Variants in APBB1IP observed in about 807,000 individuals in gnomAD.
APBB1IP encodes amyloid beta precursor protein binding family B member 1 interacting protein.
A neutral mutation model predicts 64.9 loss-of-function variants in APBB1IP; 27 were observed. That is an observed-to-expected ratio of 0.42 (90% CI 0.31 to 0.57). The LOEUF is 0.57. Among genes scored for constraint, APBB1IP ranks in the 20% least tolerant of loss-of-function variants. The pLI, the probability that APBB1IP is intolerant of heterozygous loss-of-function variation, is 0.20. For missense variants in APBB1IP, 812 were observed against 845.5 expected, an observed-to-expected ratio of 0.96 and a Z score of 0.49; for synonymous variants, 392 against 331.0, an observed-to-expected ratio of 1.18 and a Z score of -2.00.
chr10:26,532,178 T>C (rs537215004), intron 8 of APBB1IP, among the ~76,000 whole-genome samples: 189 of 152,300 alleles, frequency 1.2e-3, no homozygotes, highest in Non-Finnish European at 1.9e-3. Flanking sequence ...TCACAGTGCT[T>C]CTGAGATACA....
rs2132489233 is a variant in APBB1IP, at chr10:26,567,114, G to A, written c.1627G>A (p.Gly543Ser). The A allele has an allele frequency of 7.0e-7, 1 of 1,430,456 alleles. No individual in the cohort carries two copies. The highest frequency in any genetic ancestry group is 9.0e-7 in the Non-Finnish European group (1 of 1,105,078). 88.6% of individuals were successfully genotyped at this position (1,430,456 alleles called of 1,614,324 possible). ...GCCCCTCAAGGCCAAGGGCACAGGC[G>A]GCGGGGGCTTGCCCGCCCCACCCGA... ...ATPLKAKGTG[G>S]GGLPAPPDDF... Residue 543 changes from glycine to serine, a missense_variant, in exon 15 of 15, where the codon GGC becomes AGC. Coordinates refer to ENST00000376236, the MANE Select transcript of APBB1IP (RefSeq NM_019043.4).
chr10:26,480,341 G>C (rs1007994418), intron 2 of APBB1IP, among the ~76,000 whole-genome samples: 2 of 152,170 alleles, frequency 1.3e-5, no homozygotes, highest in Admixed American at 1.3e-4. Context: ...GGTGCCAGAG[G>C]AGACATGTGG....
At chr10:26,531,333 C>T (rs909891981) in intron 8 of APBB1IP, among the ~76,000 whole-genome samples, 1 of 150,572 alleles carries the variant, frequency 6.6e-6, no homozygotes, top group Non-Finnish European at 1.5e-5. Flanking sequence ...AAGACGCTGT[C>T]TCAAAAAAAC....
intron 2 of APBB1IP, among the ~76,000 whole-genome samples, chr10:26,480,228 G>A (rs1371391892): frequency 1.3e-5 from 2 of 152,244 alleles, no homozygotes; most frequent in South Asian, 2.1e-4. Flanking sequence ...AAGTAAAGTG[G>A]AGATAGTGCT....
At chr10:26,479,444 A>G (rs940191185) in intron 2 of APBB1IP, among the ~76,000 whole-genome samples, 5 of 152,202 alleles carry the variant, frequency 3.3e-5, no homozygotes, top group African/African-American at 1.2e-4. Flanking sequence ...TATAAAGTGT[A>G]TAATTTATAA....
chr10:26,464,640 C>T (rs746966252), intron 2 of APBB1IP, among the ~76,000 whole-genome samples: 3 of 152,178 alleles, frequency 2.0e-5, no homozygotes, highest in Non-Finnish European at 4.4e-5. Context: ...AACTCCTGGC[C>T]TCAAGAGATC....
At chr10:26,530,460 G>A (rs1470067378) in intron 8 of APBB1IP, among the ~76,000 whole-genome samples, 1 of 152,032 alleles carries the variant, frequency 6.6e-6, no homozygotes, top group Non-Finnish European at 1.5e-5. Context: ...GGGAGGCCGA[G>A]GCGGGCAGAT....
At chr10:26,545,532 G>A (rs1836749646) in intron 11 of APBB1IP, among the ~76,000 whole-genome samples, 1 of 151,980 alleles carries the variant, frequency 6.6e-6, no homozygotes, top group African/African-American at 2.4e-5. Context: ...AGGCCGAGGC[G>A]GGCGGATCAC....
Position 26,492,390 on chromosome 10 carries a change from C to A in APBB1IP, c.64C>A (p.Leu22Met). 6.2e-7 allele frequency: 1 copy of A among 1,613,930 alleles called. No individual in the cohort carries two copies. The highest frequency in any genetic ancestry group is 8.5e-7 in the Non-Finnish European group (1 of 1,179,922). Residue 22 changes from leucine to methionine, a missense_variant, in exon 3 of 15, where the codon CTG becomes ATG. By Grantham distance (15) the Leu-to-Met change is conservative. Transcript: ENST00000376236. ...FSTLLGEMDL[L>M]TQSLGVDTLP... is the part of the protein sequence containing the mutation. ...CACTTTGCTGGGAGAGATGGATCTT[C>A]TGACTCAGGTAAACTTCCCTTTTTA...
intron 6 of APBB1IP, among the ~76,000 whole-genome samples, chr10:26,506,041 C>A (rs372841917): frequency 6.6e-6 from 1 of 152,142 alleles, no homozygotes; most frequent in Admixed American, 6.5e-5. Flanking sequence ...GCACTCTAGG[C>A]CTGCCCTTGC....
Position 26,567,161 on chromosome 10 carries a change from A to ACCG in APBB1IP, c.1683_1685dup (p.Pro562dup). The ACCG allele has an allele frequency of 7.1e-7, 1 of 1,402,194 alleles. No homozygotes were observed. The highest frequency in any genetic ancestry group is 9.2e-7 in the Non-Finnish European group (1 of 1,087,508). 86.9% of individuals were successfully genotyped at this position (1,402,194 alleles called of 1,614,324 possible). Reference sequence around the variant, plus strand: ...CCGACGACTTCCTGCCGCCGCCGCCACCGCCGCCGCCCCTCGATGACCCTG... The same window carrying ACCG: ...CCGACGACTTCCTGCCGCCGCCGCCACCGCCGCCGCCGCCCCTCGATGACCCTG... On this transcript the variant is annotated inframe_insertion, in exon 15 of 15. Coordinates refer to ENST00000376236, the MANE Select transcript of APBB1IP (RefSeq NM_019043.4).
chr10:26,450,388 G>C (rs10764622), intron 2 of APBB1IP, among the ~76,000 whole-genome samples: 60,385 of 151,660 alleles, frequency 0.4, 12,099 homozygotes, highest in South Asian at 0.5. Context: ...ATTTTGAAAA[G>C]AACTCAAGTA....
intron 11 of APBB1IP, among the ~76,000 whole-genome samples, chr10:26,542,139 G>A (rs1588612524): frequency 6.6e-6 from 1 of 152,130 alleles, no homozygotes; most frequent in Admixed American, 6.5e-5. Flanking sequence ...AAGGCAATAG[G>A]TATTATCAAA....
intron 10 of APBB1IP, among the ~76,000 whole-genome samples, chr10:26,537,287 A>G (rs1466646566): frequency 6.6e-6 from 1 of 152,066 alleles, no homozygotes; most frequent in East Asian, 1.9e-4. Flanking sequence ...GCATGAATTT[A>G]CCTCTGATAA....
At chr10:26,445,488 T>TG (rs71281575) in intron 2 of APBB1IP, among the ~76,000 whole-genome samples, 58,926 of 151,964 alleles carry the variant, frequency 0.39, 11,608 homozygotes, top group South Asian at 0.49. Context: ...TGGGCTCAAG[T>TG]ATCCTCCCGC....
chr10:26,482,982 T>C (rs1045771200), intron 2 of APBB1IP, among the ~76,000 whole-genome samples: 19 of 149,550 alleles, frequency 1.3e-4, no homozygotes, highest in Non-Finnish European at 2.7e-4. Flanking sequence ...TCCCAGCTAC[T>C]TGGGAGGCTG....
intron 9 of APBB1IP, among the ~76,000 whole-genome samples, chr10:26,534,160 G>A (rs78547993): frequency 0.014 from 2,173 of 151,944 alleles, 24 homozygotes; most frequent in East Asian, 0.024. Flanking sequence ...TAGTATCTAT[G>A]TTAAAAATCA....
chr10:26,489,919 G>A (rs1346267953), intron 2 of APBB1IP, among the ~76,000 whole-genome samples: 1 of 152,156 alleles, frequency 6.6e-6, no homozygotes, highest in African/African-American at 2.4e-5. Context: ...CAGCTACTCA[G>A]GAAGCTGAGG....
intron 10 of APBB1IP, among the ~76,000 whole-genome samples, chr10:26,538,408 C>T (rs10829020): frequency 0.11 from 17,151 of 151,344 alleles, 1,132 homozygotes; most frequent in Admixed American, 0.17. Context: ...TTTGGGAGGC[C>T]GAGGCGGGCG....
Sources: allele counts gnomAD v4.1 joint callset (sites outside exome capture counted in the v4.1 genomes callset), GRCh38; gene constraint gnomAD v4.1.1; transcripts MANE v1.5; gene names NCBI Gene and HGNC (gene_info 2026-07-23, HGNC 2026-07-21).